ADAMTS16: variants seen among roughly 807,000 people sequenced by gnomAD.
ADAMTS16 encodes the protein A disintegrin and metalloproteinase with thrombospondin motifs 16.
In ADAMTS16, 94 loss-of-function variants were observed where a neutral mutation model predicts 145.8. The observed-to-expected ratio is 0.64, with a 90% CI of 0.55 to 0.77. The LOEUF is 0.77. Among genes scored for constraint, ADAMTS16 ranks in the 30% least tolerant of loss-of-function variants. The pLI is 0.00. For missense variants in ADAMTS16, 1,585 were observed against 1,591.5 expected, an observed-to-expected ratio of 1.00 and a Z score of 0.07; for synonymous variants, 659 against 604.3, an observed-to-expected ratio of 1.09 and a Z score of -1.33.
chr5:5,215,272 A>C (rs188648077), intron 10 of ADAMTS16, among the ~76,000 whole-genome samples: 133 of 152,332 alleles, frequency 8.7e-4, no homozygotes, highest in Admixed American at 1.5e-3. Flanking sequence ...TTAGTGATAA[A>C]AGCATCTCAC....
At chr5:5,258,352 A>C (rs368955946) in intron 17 of ADAMTS16, among the ~76,000 whole-genome samples, 2 of 152,228 alleles carry the variant, frequency 1.3e-5, no homozygotes, top group East Asian at 1.9e-4. Flanking sequence ...TGCCCAGAGC[A>C]GACTTACACT....
At chr5:5,262,276 T>C (rs1390525428) in intron 17 of ADAMTS16, among the ~76,000 whole-genome samples, 1 of 152,258 alleles carries the variant, frequency 6.6e-6, no homozygotes, top group Non-Finnish European at 1.5e-5. Context: ...AGTGGAAATG[T>C]GGAACAGGTG....
intron 9 of ADAMTS16, among the ~76,000 whole-genome samples, chr5:5,201,674 T>A (rs1199052638): frequency 6.7e-6 from 1 of 148,256 alleles, no homozygotes; most frequent in Non-Finnish European, 1.5e-5. Flanking sequence ...CCAGCAGGTT[T>A]GGTGGAAGAA....
chr5:5,283,790 A>C (rs2126476134), intron 18 of ADAMTS16, among the ~76,000 whole-genome samples: 1 of 152,318 alleles, frequency 6.6e-6, no homozygotes, highest in Admixed American at 6.5e-5. Flanking sequence ...AGAAAAGTGC[A>C]CCTCAATCTA....
chr5:5,262,352 A>C (rs1381960360), intron 17 of ADAMTS16, among the ~76,000 whole-genome samples: 1 of 152,280 alleles, frequency 6.6e-6, no homozygotes, highest in African/African-American at 2.4e-5. Flanking sequence ...AGTAGAAAAG[A>C]AGCAGGTACA....
intron 20 of ADAMTS16, among the ~76,000 whole-genome samples, chr5:5,305,340 C>A (rs1172080608): frequency 8.6e-6 from 1 of 116,602 alleles, no homozygotes; most frequent in East Asian, 3.0e-4. Flanking sequence ...ACACCACACA[C>A]ACACACATCC....
chr5:5,259,077 G>C (rs2126423571), intron 17 of ADAMTS16, among the ~76,000 whole-genome samples: 2 of 152,192 alleles, frequency 1.3e-5, no homozygotes, highest in East Asian at 3.9e-4. Context: ...GGTGTGACGT[G>C]GTGGCTCACA....
In ADAMTS16 at chr5:5,306,728, G is replaced by A; in HGVS notation, c.3411G>A (p.Gln1137=). 2 of 1,602,990 alleles carry A rather than the reference G, an allele frequency of 1.2e-6. No individual in the cohort carries two copies. Among genetic ancestry groups the A allele is most frequent in the South Asian group, 2.2e-5 (2 of 90,208 alleles). ...GCTGGTTTGCCTCACCCTGGTCTCA[G>A]GTAGGGGAGGCCCTCGGTTCCTGGA... ...RGSWFASPWS[Q]CTASCGGGVQ... Residue 1137 remains glutamine, a splice_region_variant and synonymous_variant, in exon 21 of 23, where the codon CAG becomes CAA. Transcript: ENST00000274181.
chr5:5,287,207 A>G lies in ADAMTS16; in HGVS notation c.2790-16061A>G, dbSNP rs536502188. On this transcript the variant is annotated intron_variant, in intron 18 of 22. Transcript: ENST00000274181. Reference sequence around the variant, plus strand: ...ATGACTCCAATGTCAAATGTTAGCCATATACTCTTGGCAGACCCCTGGCCC... The same window carrying G: ...ATGACTCCAATGTCAAATGTTAGCCGTATACTCTTGGCAGACCCCTGGCCC... 3.3e-5 allele frequency among the ~76,000 whole-genome samples: 5 copies of G among 152,322 alleles called. No individual in the cohort carries two copies. In the South Asian group the frequency reaches 1.0e-3, roughly 32 times the overall value.
chr5:5,145,580 A>C (rs1579269073), intron 2 of ADAMTS16, among the ~76,000 whole-genome samples: 1 of 152,368 alleles, frequency 6.6e-6, no homozygotes, highest in East Asian at 1.9e-4. Context: ...AACATGGCTT[A>C]CCAGTAGTTA....
intron 18 of ADAMTS16, among the ~76,000 whole-genome samples, chr5:5,277,900 T>G (rs149149262): frequency 1.3e-5 from 2 of 152,262 alleles, no homozygotes; most frequent in African/African-American, 4.8e-5. Flanking sequence ...GAGGATTGTT[T>G]GCACCTGGGA....
intron 18 of ADAMTS16, among the ~76,000 whole-genome samples, chr5:5,290,420 C>T (rs1403722597): frequency 2.0e-5 from 3 of 152,062 alleles, no homozygotes; most frequent in Admixed American, 1.3e-4. Flanking sequence ...TTTGGGAGGC[C>T]GAGATGGGTG....
At chr5:5,183,846 G>A (rs188726798) in intron 4 of ADAMTS16, among the ~76,000 whole-genome samples, 19 of 152,320 alleles carry the variant, frequency 1.2e-4, no homozygotes, top group Non-Finnish European at 7.3e-5. Context: ...GTAAGTGAAA[G>A]GCAGTTATTT....
chr5:5,224,683 T>G (rs1444106380), intron 11 of ADAMTS16, among the ~76,000 whole-genome samples: 2 of 152,240 alleles, frequency 1.3e-5, no homozygotes, highest in Admixed American at 6.5e-5. Context: ...ACTTGAGTGT[T>G]AAGCTGCAGA....
rs2126559845 is a variant in ADAMTS16 at position 5,182,084 on chromosome 5, G to A, written c.542G>A (p.Arg181Lys). 1 of 1,613,692 alleles carries A rather than the reference G, an allele frequency of 6.2e-7. No individual in the cohort carries two copies. Among genetic ancestry groups the A allele is most frequent in the South Asian group, 1.1e-5 (1 of 91,058 alleles). ...IRTEEADYFL[R>K]PLPSHLSWKL... is the part of the protein sequence containing the mutation. The stretch of plus-strand genomic sequence containing the variant: ...ACAGAAGAGGCAGATTACTTCCTAA[G>A]GCCACTTCCTTCACACCTCTCATGG... Residue 181 changes from arginine to lysine, a missense_variant, in exon 4 of 23, where the codon AGG becomes AAG. By Grantham distance (26) the Arg-to-Lys change is conservative (BLOSUM62 2). Transcript: ENST00000274181.
intron 8 of ADAMTS16, among the ~76,000 whole-genome samples, chr5:5,199,018 T>C (rs992202625): frequency 6.6e-6 from 1 of 152,158 alleles, no homozygotes; most frequent in African/African-American, 2.4e-5. Flanking sequence ...TTAATGGCAA[T>C]AGTGGCTTAG....
rs367670769 is a variant in ADAMTS16 at position 5,235,157 on chromosome 5, A to C, written c.1994A>C (p.Tyr665Ser). The C allele has an allele frequency of 6.3e-7, 1 of 1,585,088 alleles. No individual in the cohort carries two copies. ...HNSRRFRGRH[Y>S]KWKPYTQVED... Reference sequence around the variant, plus strand: ...AGCAGACGATTCAGAGGGCGGCACTACAAGTGGAAGCCTTACACTCAAGTA... The same window carrying C: ...AGCAGACGATTCAGAGGGCGGCACTCCAAGTGGAAGCCTTACACTCAAGTA... The change falls in exon 13 of 23, where the codon TAC becomes TCC. Residue 665 changes from tyrosine (Y) to serine (S), a missense_variant. Physicochemically the swap from Tyr to Ser is moderately radical, Grantham distance 144 (BLOSUM62 -2). This residue lies in a region of ADAMTS16 where 834 missense variants were observed against 811.7 expected (regional missense o/e 1.03). Coordinates refer to ENST00000274181, the MANE Select transcript of ADAMTS16 (RefSeq NM_139056.4).
rs1017493869 is a variant in ADAMTS16, at chr5:5,283,318, A to G, written c.2790-19950A>G. On this transcript the variant is annotated intron_variant, in intron 18 of 22. Transcript: ENST00000274181. Reference sequence around the variant, plus strand: ...AACATTCACTTATTTCCATCTTCTCAGCATGACTAAATTTTTGCTCATGGC... The same window carrying G: ...AACATTCACTTATTTCCATCTTCTCGGCATGACTAAATTTTTGCTCATGGC... Among the ~76,000 whole-genome samples, 10 of 152,350 alleles carry G rather than the reference A, an allele frequency of 6.6e-5. No individual in the cohort carries two copies. In the East Asian group the frequency reaches 1.7e-3, roughly 26 times the overall value.
At position 5,319,229 on chromosome 5, in the gene ADAMTS16, A is replaced by G; in HGVS notation, c.*91A>G. The G allele has an allele frequency of 1.1e-6, 1 of 943,926 alleles. No individual in the cohort carries two copies. Among genetic ancestry groups the G allele is most frequent in the East Asian group, 2.6e-5 (1 of 38,148 alleles). 58.5% of individuals were successfully genotyped at this position (943,926 alleles called of 1,614,324 possible). On this transcript the variant is annotated 3_prime_UTR_variant, in exon 23 of 23. Coordinates refer to ENST00000274181, the MANE Select transcript of ADAMTS16 (RefSeq NM_139056.4). Reference sequence around the variant, plus strand: ...GTGCAATCTACGTCGGAATACATCCAAGGAAGAGCAAAGCCAAAAGAAGAA... The same window carrying G: ...GTGCAATCTACGTCGGAATACATCCGAGGAAGAGCAAAGCCAAAAGAAGAA...
Sources: gnomAD v4.1 joint callset for allele counts (sites outside exome capture counted in the v4.1 genomes callset) on GRCh38, gnomAD v4.1.1 for gene constraint, gnomAD v4.1.1 regional missense constraint, MANE v1.5 for transcripts, NCBI Gene and HGNC (gene_info 2026-07-23, HGNC 2026-07-21) for gene names.